EGFR: variants seen among roughly 807,000 people sequenced by gnomAD.
EGFR encodes epidermal growth factor receptor, also known as avian erythroblastic leukemia viral (v-erb-b) oncogene homolog.
In EGFR, 58 loss-of-function variants were observed where a neutral mutation model predicts 143.0. That is an observed-to-expected ratio of 0.41 (90% CI 0.33 to 0.50). The LOEUF (loss-of-function observed/expected upper bound fraction) is 0.50, where lower values mean the gene tolerates loss of function less well. Ranked by LOEUF, EGFR falls within the 20% of genes least tolerant of loss-of-function variation. EGFR has a pLI of 0.39. For synonymous variants in EGFR, 613 were observed against 594.4 expected (o/e 1.03, Z -0.45); for missense variants, 1,307 against 1,579.0 (o/e 0.83, Z 2.92).
intron 18 of EGFR, 136 bp from the exon 19 acceptor site, chr7:55,174,586 C>A: frequency 2.6e-6 from 2 of 780,296 alleles, no homozygotes; most frequent in Non-Finnish European, 4.5e-6. Flanking sequence ...CAATATCAGC[C>A]TTAGGTGCGG....
Position 55,022,394 on chromosome 7 carries a change from A to C in EGFR, c.88+3029A>C, listed in dbSNP as rs1381707731. Reference sequence around the variant, plus strand: ...CAAAGTGGGGATATTAATGGTATCCAAAGTGAGATCTACCCCACCCTCCCT... The same window carrying C: ...CAAAGTGGGGATATTAATGGTATCCCAAGTGAGATCTACCCCACCCTCCCT... On this transcript the variant is annotated intron_variant, in intron 1 of 27. Coordinates refer to ENST00000275493, the MANE Select transcript of EGFR (RefSeq NM_005228.5). Among the ~76,000 whole-genome samples, 3 of 151,188 alleles carry C rather than the reference A, an allele frequency of 2.0e-5. No individual in the cohort carries two copies. In the East Asian group the frequency reaches 5.8e-4, roughly 29 times the overall value.
chr7:55,033,073 T>A (rs572107040), intron 1 of EGFR, among the ~76,000 whole-genome samples: 1 of 152,304 alleles, frequency 6.6e-6, no homozygotes, highest in South Asian at 2.1e-4. Flanking sequence ...ATCTGAAAAT[T>A]TTTATAGCAG....
At chr7:55,046,970 A>G (rs1042061883) in intron 1 of EGFR, among the ~76,000 whole-genome samples, 2 of 152,238 alleles carry the variant, frequency 1.3e-5, no homozygotes, top group Admixed American at 6.5e-5. Flanking sequence ...TGCCTTATTT[A>G]GATAAGTAAC....
chr7:55,090,380 G>T (rs982977218), intron 1 of EGFR, among the ~76,000 whole-genome samples: 1 of 152,160 alleles, frequency 6.6e-6, no homozygotes, highest in African/African-American at 2.4e-5. Flanking sequence ...ACCAGCCAAG[G>T]TCACACAGCC....
At position 55,171,396 on chromosome 7, in the gene EGFR, C is replaced by T. The variant is rs17290267; in HGVS notation, c.1919+183C>T. On this transcript the variant is annotated intron_variant, in intron 16 of 27. Coordinates refer to ENST00000275493, the MANE Select transcript of EGFR (RefSeq NM_005228.5). ...GCCCAGCTGGTTCCACGTGGCTCCACGTGCCAACTTTGTCCTCAGTGGAGG... is the reference window on the plus strand; with the variant it reads ...GCCCAGCTGGTTCCACGTGGCTCCATGTGCCAACTTTGTCCTCAGTGGAGG... 4.8e-3 allele frequency among the ~76,000 whole-genome samples: 731 copies of T among 152,354 alleles called. 7 individuals carry two copies. The highest frequency in any genetic ancestry group is 0.017 in the African/African-American group (710 of 41,574).
chr7:55,100,924 A>AT (rs1292440528), intron 1 of EGFR, among the ~76,000 whole-genome samples: 1 of 152,274 alleles, frequency 6.6e-6, no homozygotes, highest in Non-Finnish European at 1.5e-5. Flanking sequence ...TTAAACTGTC[A>AT]TAAAAAATTG....
chr7:55,072,053 G>A lies in EGFR; in HGVS notation c.88+52688G>A, dbSNP rs377627857. 4.8e-4 allele frequency among the ~76,000 whole-genome samples: 73 copies of A among 151,584 alleles called. No individual in the cohort carries two copies. In the East Asian group the frequency reaches 0.011, roughly 24 times the overall value. ...TCGCACACACTGTGGTCAGTGCAGC[G>A]TCCACTGTGTGCCACAGTAATACTA... On this transcript the variant is annotated intron_variant, in intron 1 of 27. Coordinates refer to ENST00000275493, the MANE Select transcript of EGFR (RefSeq NM_005228.5).
At chr7:55,149,721 C>T (rs572165799) in intron 4 of EGFR, among the ~76,000 whole-genome samples, 1 of 152,252 alleles carries the variant, frequency 6.6e-6, no homozygotes, top group South Asian at 2.1e-4. Context: ...GATGTAGAAA[C>T]ATATTCTTAT....
Position 55,174,041 on chromosome 7 carries a change from A to C in EGFR, c.2182A>C (p.Lys728Gln). 2.5e-6 allele frequency: 4 copies of C among 1,614,184 alleles called. No individual in the cohort carries two copies. Among genetic ancestry groups the C allele is most frequent in the Non-Finnish European group, 3.4e-6 (4 of 1,180,026 alleles). ...CTCCGGTGCGTTCGGCACGGTGTAT[A>C]AGGTAAGGTCCCTGGCACAGGCCTC... is the stretch of plus-strand genomic sequence containing the variant. ...LGSGAFGTVYKGLWIPEGEKV... is the reference protein window; with the variant it reads ...LGSGAFGTVYQGLWIPEGEKV... Residue 728 changes from lysine (K) to glutamine (Q), a missense_variant and splice_region_variant, in exon 18 of 28, where the codon AAG (lysine) becomes CAG (glutamine). Physicochemically the swap from Lys to Gln is moderately conservative, Grantham distance 53. This residue lies in a region of EGFR where 348 missense variants were observed against 451.5 expected (regional missense o/e 0.77). Transcript: ENST00000275493.
chr7:55,193,939 G>A (rs1350139485), intron 22 of EGFR, among the ~76,000 whole-genome samples: 1 of 152,162 alleles, frequency 6.6e-6, no homozygotes, highest in African/African-American at 2.4e-5. Flanking sequence ...AGAGATTTGT[G>A]TCCATGAATA....
Position 55,142,362 on chromosome 7 carries a change from CAAT to C in EGFR, c.168_170del (p.Asn57del). The C allele has an allele frequency of 6.2e-7, 1 of 1,614,172 alleles. No homozygotes were observed. The highest frequency in any genetic ancestry group is 8.5e-7 in the Non-Finnish European group (1 of 1,180,018). ...ATTTTCTCAGCCTCCAGAGGATGTT[CAAT>C]AACTGTGAGGTGGTCCTTGGGAATT... On this transcript the variant is annotated inframe_deletion, in exon 2 of 28. Transcript: ENST00000275493.
intron 1 of EGFR, among the ~76,000 whole-genome samples, chr7:55,115,145 A>C (rs1360433052): frequency 6.6e-6 from 1 of 152,150 alleles, no homozygotes; most frequent in East Asian, 1.9e-4. Flanking sequence ...CTGGGATTAC[A>C]GGCATTATAT....
intron 1 of EGFR, among the ~76,000 whole-genome samples, chr7:55,063,851 C>T (rs1264208257): frequency 6.6e-6 from 1 of 152,190 alleles, no homozygotes; most frequent in African/African-American, 2.4e-5. Flanking sequence ...CAGCTGCTCA[C>T]TTCTGAAAAG....
chr7:55,201,850 T>TAGA, intron 26 of EGFR, 68 bp downstream of exon 26: 1 of 1,549,682 alleles, frequency 6.5e-7, no homozygotes, highest in Non-Finnish European at 8.9e-7. Context: ...ACATGGAAAA[T>TAGA]GCCTTAACCT....
chr7:55,158,577 T>C (rs1785540029), intron 11 of EGFR, among the ~76,000 whole-genome samples: 1 of 152,246 alleles, frequency 6.6e-6, no homozygotes, highest in African/African-American at 2.4e-5. Flanking sequence ...TTGACCAAGA[T>C]TCTTATAAAA....
At chr7:55,190,613 G>T (rs924946101) in intron 20 of EGFR, among the ~76,000 whole-genome samples, 1 of 152,142 alleles carries the variant, frequency 6.6e-6, no homozygotes, top group Non-Finnish European at 1.5e-5. Context: ...TACAGGAGCG[G>T]CAGAGTGGAG....
intron 1 of EGFR, among the ~76,000 whole-genome samples, chr7:55,116,825 A>T (rs1323709005): frequency 6.6e-6 from 1 of 152,244 alleles, no homozygotes; most frequent in South Asian, 2.1e-4. Flanking sequence ...GCTGTGCTGC[A>T]AAATTGTATT....
At chr7:55,204,637 CACAT>C (rs377726827) in intron 27 of EGFR, among the ~76,000 whole-genome samples, 28,877 of 135,368 alleles carry the variant, frequency 0.21, 3,160 homozygotes, top group Non-Finnish European at 0.26. Flanking sequence ...ACACACACCA[CACAT>C]ACATACACAT....
At chr7:55,069,703 G>A (rs977648651) in intron 1 of EGFR, among the ~76,000 whole-genome samples, 9 of 152,216 alleles carry the variant, frequency 5.9e-5, no homozygotes, top group African/African-American at 2.2e-4. Flanking sequence ...GTGTCAGCAG[G>A]CATTTAAATA....
Sources: allele counts gnomAD v4.1 joint callset (sites outside exome capture counted in the v4.1 genomes callset), GRCh38; gene constraint gnomAD v4.1.1; regional missense constraint gnomAD v4.1.1; transcripts MANE v1.5; gene names NCBI Gene and HGNC (gene_info 2026-07-23, HGNC 2026-07-21).